Variants in SIPA1L2 observed in about 807,000 individuals in gnomAD.
SIPA1L2 encodes the protein signal induced proliferation associated 1 like 2, also known as signal-induced proliferation-associated 1-like protein 2.
In SIPA1L2, 56 loss-of-function variants were observed where a neutral mutation model predicts 163.9. The observed-to-expected ratio is 0.34, with a 90% CI of 0.28 to 0.43. SIPA1L2 has a LOEUF of 0.43. Ranked by LOEUF, SIPA1L2 falls within the 20% of genes least tolerant of loss-of-function variation. The pLI is 1.00. For synonymous variants in SIPA1L2, 877 were observed against 865.7 expected (o/e 1.01, Z -0.23); for missense variants, 1,974 against 2,193.5 (o/e 0.90, Z 2.00).
Position 232,432,438 on chromosome 1 carries a change from G to C in SIPA1L2, c.4065C>G (p.His1355Gln), listed in dbSNP as rs775864456. 3.1e-6 allele frequency: 5 copies of C among 1,614,262 alleles called. No homozygotes were observed. The highest frequency in any genetic ancestry group is 4.2e-6 in the Non-Finnish European group (5 of 1,180,040). The change falls in exon 16 of 23, where the codon CAC becomes CAG. Residue 1355 changes from histidine to glutamine, a missense_variant. Around this residue, in one of 3 missense-constraint regions of SIPA1L2, gnomAD observed 1,079 missense variants for 1,150.7 expected, o/e 0.94. Coordinates refer to ENST00000674635, the MANE Select transcript of SIPA1L2 (RefSeq NM_020808.5). ...GSHHSGSPSA[H>Q]CSKSSGSLDS... ...CCAGAGACCCACTACTTTTTGAACA[G>C]TGAGCTGAAGGGCTTCCTGAATGGT...
intron 1 of SIPA1L2, among the ~76,000 whole-genome samples, chr1:232,589,584 T>C (rs1408253950): frequency 6.6e-6 from 1 of 152,230 alleles, no homozygotes; most frequent in Non-Finnish European, 1.5e-5. Flanking sequence ...AACCTAAGGA[T>C]AAGATACTGA....
chr1:232,525,136 T>A (rs1667632671), intron 2 of SIPA1L2, among the ~76,000 whole-genome samples: 1 of 151,494 alleles, frequency 6.6e-6, no homozygotes, highest in Admixed American at 6.6e-5. Flanking sequence ...CAATACCTAC[T>A]GTTGATTAAT....
chr1:232,489,518 C>T (rs1379785418), intron 5 of SIPA1L2, among the ~76,000 whole-genome samples: 2 of 151,330 alleles, frequency 1.3e-5, no homozygotes, highest in African/African-American at 4.9e-5. Context: ...AATATGTCAG[C>T]TTTCATTCCT....
chr1:232,426,315 C>T (rs1402239969), intron 17 of SIPA1L2, among the ~76,000 whole-genome samples: 1 of 152,014 alleles, frequency 6.6e-6, no homozygotes, highest in Non-Finnish European at 1.5e-5. Context: ...GCCACATAAA[C>T]ACATTTCCAA....
At chr1:232,554,701 A>G (rs1292654977) in intron 2 of SIPA1L2, among the ~76,000 whole-genome samples, 1 of 152,238 alleles carries the variant, frequency 6.6e-6, no homozygotes, top group Non-Finnish European at 1.5e-5. Context: ...GATCTGCATC[A>G]GCCGTGTTTG....
intron 2 of SIPA1L2, among the ~76,000 whole-genome samples, chr1:232,518,362 C>T (rs751272494): frequency 5.9e-5 from 9 of 152,254 alleles, no homozygotes; most frequent in Middle Eastern, 3.4e-3. Context: ...ACACCTAACA[C>T]GTGGCCAGTT....
At position 232,604,143 on chromosome 1, in the gene SIPA1L2, C is replaced by T. The variant is rs184216766; in HGVS notation, c.-319+25726G>A. Among the ~76,000 whole-genome samples, 91 of 152,228 alleles carry T rather than the reference C, an allele frequency of 6.0e-4. 2 individuals carry two copies. The South Asian group carries it at 7.1e-3, about 12-fold the overall frequency. The stretch of plus-strand genomic sequence containing the variant: ...TAAGAATCTTCAAAAGATTCCAGCA[C>T]GTGGTAAAGCATAAGGGAACTTCCC... On this transcript the variant is annotated intron_variant, in intron 1 of 22. Coordinates refer to ENST00000674635, the MANE Select transcript of SIPA1L2 (RefSeq NM_020808.5).
intron 1 of SIPA1L2, among the ~76,000 whole-genome samples, chr1:232,588,869 GTAT>G (rs1435007730): frequency 6.6e-6 from 1 of 152,148 alleles, no homozygotes; most frequent in East Asian, 1.9e-4. Context: ...TTTCACGAAA[GTAT>G]TATTTATGTT....
chr1:232,436,011 G>T (rs374752035), intron 15 of SIPA1L2, among the ~76,000 whole-genome samples: 1 of 152,062 alleles, frequency 6.6e-6, no homozygotes, highest in Admixed American at 6.6e-5. Context: ...CTATGGTGTC[G>T]GTTGTGAAAA....
intron 2 of SIPA1L2, among the ~76,000 whole-genome samples, chr1:232,523,687 G>A (rs1006990677): frequency 3.3e-5 from 5 of 151,896 alleles, no homozygotes; most frequent in Non-Finnish European, 5.9e-5. Context: ...CAATCCTTCC[G>A]GAAAACATTC....
At chr1:232,541,724 A>G (rs1212080936) in intron 2 of SIPA1L2, among the ~76,000 whole-genome samples, 1 of 152,182 alleles carries the variant, frequency 6.6e-6, no homozygotes, top group Non-Finnish European at 1.5e-5. Context: ...AAAGAAGAAC[A>G]TATTAAGACC....
At chr1:232,404,006 G>T in intron 20 of SIPA1L2, 119 bp downstream of exon 20, 1 of 1,102,254 alleles carries the variant, frequency 9.1e-7, no homozygotes, top group Non-Finnish European at 1.4e-6. Flanking sequence ...CAGGACACAT[G>T]TCCCGCTGTG....
intron 1 of SIPA1L2, among the ~76,000 whole-genome samples, chr1:232,575,183 T>A (rs965685466): frequency 2.6e-5 from 4 of 152,156 alleles, no homozygotes; most frequent in Non-Finnish European, 5.9e-5. Context: ...GACAAAACTA[T>A]ATAAACATGG....
chr1:232,526,674 G>A (rs1040925643), intron 2 of SIPA1L2, among the ~76,000 whole-genome samples: 4 of 152,146 alleles, frequency 2.6e-5, no homozygotes, highest in African/African-American at 9.7e-5. Flanking sequence ...TCTATATACC[G>A]TAGGCCTGTG....
intron 10 of SIPA1L2, among the ~76,000 whole-genome samples, chr1:232,451,486 C>T (rs889495122): frequency 2.6e-5 from 4 of 152,066 alleles, no homozygotes; most frequent in Non-Finnish European, 4.4e-5. Context: ...AACTGAAACC[C>T]GAACAGACCA....
chr1:232,489,860 G>C (rs1665838353), intron 5 of SIPA1L2, among the ~76,000 whole-genome samples: 1 of 152,162 alleles, frequency 6.6e-6, no homozygotes, highest in South Asian at 2.1e-4. Flanking sequence ...TCCTCTATGA[G>C]TTATTTTGCA....
At chr1:232,574,112 A>C (rs1037337647) in intron 2 of SIPA1L2, among the ~76,000 whole-genome samples, 62 bp downstream of exon 2, 1 of 152,162 alleles carries the variant, frequency 6.6e-6, no homozygotes, top group Non-Finnish European at 1.5e-5. Flanking sequence ...GTGGGACACA[A>C]AACCCCAATT....
intron 10 of SIPA1L2, among the ~76,000 whole-genome samples, chr1:232,454,100 C>CACAT (rs1226604920): frequency 3.9e-5 from 6 of 152,150 alleles, no homozygotes; most frequent in African/African-American, 9.6e-5. Flanking sequence ...GGGAGATAAC[C>CACAT]ACATAGTATA....
intron 21 of SIPA1L2, chr1:232,402,681 ACT>A (rs2102739613): frequency 4.7e-6 from 2 of 426,094 alleles, no homozygotes; most frequent in East Asian, 4.3e-5. Flanking sequence ...AGATGCAGAA[ACT>A]CTATAGATAT....
Sources: allele counts gnomAD v4.1 joint callset (sites outside exome capture counted in the v4.1 genomes callset), GRCh38; gene constraint gnomAD v4.1.1; regional missense constraint gnomAD v4.1.1; transcripts MANE v1.5; gene names NCBI Gene and HGNC (gene_info 2026-07-23, HGNC 2026-07-21).